The following NOL4 variants were observed in gnomAD, a reference collection of about 807,000 sequenced individuals.
The protein encoded by NOL4 is cancer/testis antigen 125.
NOL4 carries 17 observed loss-of-function variants against 75.9 expected under a neutral mutation model. That is an observed-to-expected ratio of 0.22 (90% CI 0.15 to 0.34). The LOEUF (loss-of-function observed/expected upper bound fraction) is 0.34, where lower values mean the gene tolerates loss of function less well. NOL4 is among the 10% of genes least tolerant of loss of function. The pLI, the probability that NOL4 is intolerant of heterozygous loss-of-function variation, is 1.00. For missense variants in NOL4, 614 were observed against 793.5 expected (o/e 0.77, Z 2.72); for synonymous variants, 292 against 289.9 (o/e 1.01, Z -0.07).
chr18:34,019,495 G>A lies in NOL4; in HGVS notation c.879C>T (p.Gly293=). The A allele has an allele frequency of 6.2e-7, 1 of 1,613,986 alleles. No individual in the cohort carries two copies. Among genetic ancestry groups the A allele is most frequent in the Non-Finnish European group, 8.5e-7 (1 of 1,180,000 alleles). The part of the protein sequence containing the change: ...SREMGDSNSD[G]KTGLEQDEQP... Reference sequence around the variant, plus strand: ...GTTCATCTTGCTCCAGCCCAGTTTTGCCATCACTGTTGGAGTCTCCCATCT... The same window carrying A: ...GTTCATCTTGCTCCAGCCCAGTTTTACCATCACTGTTGGAGTCTCCCATCT... Residue 293 remains glycine (G), a synonymous_variant, in exon 6 of 11, where the codon GGC becomes GGT. Coordinates refer to ENST00000261592, the MANE Select transcript of NOL4 (RefSeq NM_003787.5).
At chr18:34,046,747 T>C (rs1468908817) in intron 5 of NOL4, among the ~76,000 whole-genome samples, 2 of 151,020 alleles carry the variant, frequency 1.3e-5, no homozygotes, top group African/African-American at 2.4e-5. Context: ...CCTTCTGCAG[T>C]GACCCTCTAA....
At chr18:34,070,581 T>C (rs1400943771) in intron 5 of NOL4, among the ~76,000 whole-genome samples, 1 of 152,190 alleles carries the variant, frequency 6.6e-6, no homozygotes, top group Non-Finnish European at 1.5e-5. Context: ...GGAAAACATG[T>C]TCACAGTGTA....
At chr18:34,222,185 G>A (rs1423279596) in intron 1 of NOL4, 8 of 1,470,230 alleles carry the variant, frequency 5.4e-6, no homozygotes, top group Non-Finnish European at 6.3e-6. Flanking sequence ...CCAGTGCCTC[G>A]CGGCGCCTGG....
chr18:34,091,517 A>G (rs1185177875), intron 5 of NOL4, among the ~76,000 whole-genome samples: 1 of 152,144 alleles, frequency 6.6e-6, no homozygotes, highest in Non-Finnish European at 1.5e-5. Flanking sequence ...TCTTCCAGAC[A>G]CTGAACCTAC....
At chr18:33,972,171 A>T (rs2071118047) in intron 6 of NOL4, among the ~76,000 whole-genome samples, 1 of 152,092 alleles carries the variant, frequency 6.6e-6, no homozygotes, top group African/African-American at 2.4e-5. Context: ...CTCAAAAAAA[A>T]AAAAAAATTT....
At chr18:33,920,669 A>G (rs1350405170) in intron 9 of NOL4, among the ~76,000 whole-genome samples, 1 of 152,144 alleles carries the variant, frequency 6.6e-6, no homozygotes. Context: ...ATTTTAGTAG[A>G]CTCCAGGAAG....
At chr18:34,203,715 T>TCACACA (rs751513951) in intron 1 of NOL4, among the ~76,000 whole-genome samples, 1,104 of 59,458 alleles carry the variant, frequency 0.019, 6 homozygotes, top group Non-Finnish European at 0.032. Context: ...TCTCTCTCTC[T>TCACACA]CTCACACACA....
At chr18:34,114,730 T>C (rs753322697) in intron 2 of NOL4, among the ~76,000 whole-genome samples, 52 of 152,182 alleles carry the variant, frequency 3.4e-4, no homozygotes, top group African/African-American at 1.0e-3. Flanking sequence ...GAATTGTCGT[T>C]GTTACACAGC....
At chr18:33,881,274 A>C (rs1025212201) in intron 10 of NOL4, among the ~76,000 whole-genome samples, 1 of 150,190 alleles carries the variant, frequency 6.7e-6, no homozygotes, top group South Asian at 2.1e-4. Flanking sequence ...GGCTGAGACA[A>C]TGGGGTTTTC....
At chr18:34,167,378 T>C (rs2032507101) in intron 1 of NOL4, among the ~76,000 whole-genome samples, 1 of 152,098 alleles carries the variant, frequency 6.6e-6, no homozygotes, top group East Asian at 1.9e-4. Context: ...AACACTTCTC[T>C]AATCTGTCGA....
intron 6 of NOL4, among the ~76,000 whole-genome samples, chr18:33,983,327 T>C (rs904731815): frequency 6.6e-6 from 1 of 152,098 alleles, no homozygotes; most frequent in Middle Eastern, 3.2e-3. Flanking sequence ...ATGTGAACTA[T>C]GGACTTTAAG....
chr18:34,164,377 A>T (rs1163656728), intron 1 of NOL4, among the ~76,000 whole-genome samples: 1 of 152,122 alleles, frequency 6.6e-6, no homozygotes, highest in African/African-American at 2.4e-5. Flanking sequence ...TCTATAATGA[A>T]CTCAAACAAA....
intron 1 of NOL4, among the ~76,000 whole-genome samples, chr18:34,188,734 G>T (rs1419421643): frequency 6.6e-6 from 1 of 152,108 alleles, no homozygotes. Flanking sequence ...CTGAAGTACA[G>T]TTTCTACTGA....
At chr18:34,154,538 A>G (rs967920448) in intron 1 of NOL4, among the ~76,000 whole-genome samples, 3 of 152,032 alleles carry the variant, frequency 2.0e-5, no homozygotes, top group Non-Finnish European at 4.4e-5. Context: ...GTTGCATAGT[A>G]TTGCATAGTA....
intron 4 of NOL4, among the ~76,000 whole-genome samples, chr18:34,096,715 T>A (rs2078802507): frequency 6.6e-6 from 1 of 152,172 alleles, no homozygotes; most frequent in South Asian, 2.1e-4. Context: ...ATAATGAAAG[T>A]CATGGCCAGA....
At chr18:34,027,990 C>T (rs1434623715) in intron 5 of NOL4, among the ~76,000 whole-genome samples, 1 of 152,202 alleles carries the variant, frequency 6.6e-6, no homozygotes, top group African/African-American at 2.4e-5. Context: ...ACATTGAGTT[C>T]TCATCAAATC....
chr18:33,867,931 G>T (rs2063510001), intron 10 of NOL4, among the ~76,000 whole-genome samples: 1 of 152,084 alleles, frequency 6.6e-6, no homozygotes, highest in Non-Finnish European at 1.5e-5. Flanking sequence ...TCATGCAGGA[G>T]AATTCCCTCT....
intron 6 of NOL4, among the ~76,000 whole-genome samples, chr18:33,991,926 T>C (rs1258324867): frequency 6.7e-6 from 1 of 148,162 alleles, no homozygotes; most frequent in African/African-American, 2.6e-5. Context: ...TGAGACAAAA[T>C]GAAGTCCTAG....
chr18:33,894,221 C>G (rs1203883586), intron 9 of NOL4, among the ~76,000 whole-genome samples: 1 of 152,048 alleles, frequency 6.6e-6, no homozygotes, highest in East Asian at 1.9e-4. Context: ...AGATCCAGTG[C>G]TCCTATTTAA....
Sources: gnomAD v4.1 joint callset for allele counts (sites outside exome capture counted in the v4.1 genomes callset) on GRCh38, gnomAD v4.1.1 for gene constraint, MANE v1.5 for transcripts, NCBI Gene and HGNC (gene_info 2026-07-23, HGNC 2026-07-21) for gene names.